Variants in MAK observed in about 807,000 individuals in gnomAD.
The protein encoded by MAK is male germ cell associated kinase, also known as serine/threonine-protein kinase MAK.
MAK carries 65 observed loss-of-function variants against 82.6 expected under a neutral mutation model. The observed-to-expected ratio is 0.79, with a 90% CI of 0.64 to 0.97. The LOEUF (loss-of-function observed/expected upper bound fraction) is 0.97, where lower values mean the gene tolerates loss of function less well. MAK is among the 50% of genes least tolerant of loss of function. The pLI is 0.00. For missense variants in MAK, 703 were observed against 780.2 expected (o/e 0.90, Z 1.18); for synonymous variants, 250 against 274.2 (o/e 0.91, Z 0.87).
rs748107316 is a variant in MAK at position 10,802,214 on chromosome 6, C to G, written c.664-155G>C. 4.9e-4 allele frequency: 302 copies of G among 620,588 alleles called. 1 individual carries two copies. The highest frequency in any genetic ancestry group is 4.9e-4 in the Non-Finnish European group (173 of 355,932). 38.4% of individuals were successfully genotyped at this position (620,588 alleles called of 1,614,324 possible). A position where few individuals can be genotyped will look rare whatever the true frequency, so the allele number is the denominator to read the frequency against. ...ATGAAAATGAAATACCAGACCACGT[C>G]TATAATTTAGTGCTACGACAGTATA... On this transcript the variant is annotated intron_variant, in intron 7 of 14. Coordinates refer to ENST00000354489, the MANE Select transcript of MAK (RefSeq NM_001242957.3).
intron 9 of MAK, 46 bp from the exon 10 acceptor site, chr6:10,791,893 TGCC>T: frequency 1.3e-6 from 2 of 1,585,792 alleles, no homozygotes; most frequent in Non-Finnish European, 1.7e-6. Flanking sequence ...ATGTACTGAA[TGCC>T]TTTCATGCAC....
At chr6:10,830,124 C>CGTGTGTGTGTGTGTGT (rs35519970) in intron 2 of MAK, among the ~76,000 whole-genome samples, 23 of 141,500 alleles carry the variant, frequency 1.6e-4, no homozygotes, top group Non-Finnish European at 1.7e-4. Flanking sequence ...CCTGTGTGCA[C>CGTGTGTGTGTGTGTGT]GTGTGTGTGT....
chr6:10,812,385 G>A (rs571563120), intron 5 of MAK, among the ~76,000 whole-genome samples: 2 of 152,056 alleles, frequency 1.3e-5, no homozygotes, highest in African/African-American at 4.8e-5. Context: ...TAACTTTTTG[G>A]ACTAATAATT....
chr6:10,777,172 T>A (rs537510962), intron 11 of MAK, among the ~76,000 whole-genome samples: 1 of 152,122 alleles, frequency 6.6e-6, no homozygotes, highest in Admixed American at 6.5e-5. Context: ...TTTGGGAGGC[T>A]GAGGGAGGTG....
At chr6:10,778,978 A>G (rs1291222844) in intron 11 of MAK, among the ~76,000 whole-genome samples, 2 of 151,874 alleles carry the variant, frequency 1.3e-5, no homozygotes, top group Non-Finnish European at 2.9e-5. Context: ...AAATACAAAA[A>G]TTAGCTGGGC....
At chr6:10,834,463 G>C (rs956359355) in intron 1 of MAK, among the ~76,000 whole-genome samples, 1 of 152,176 alleles carries the variant, frequency 6.6e-6, no homozygotes, top group African/African-American at 2.4e-5. Flanking sequence ...ACTGGTGCCA[G>C]CTCTTACTAT....
intron 8 of MAK, among the ~76,000 whole-genome samples, chr6:10,799,185 C>G (rs1005023567): frequency 6.6e-6 from 1 of 152,148 alleles, no homozygotes; most frequent in Non-Finnish European, 1.5e-5. Context: ...TGGAATTGAA[C>G]ATCTTTGAGC....
intron 2 of MAK, among the ~76,000 whole-genome samples, chr6:10,826,814 T>A (rs560254598): frequency 6.6e-6 from 1 of 152,282 alleles, no homozygotes; most frequent in East Asian, 1.9e-4. Flanking sequence ...GCTTTCCCAA[T>A]TAAAAGAGTA....
chr6:10,771,664 T>A (rs1212553188), intron 13 of MAK, among the ~76,000 whole-genome samples: 2 of 152,226 alleles, frequency 1.3e-5, no homozygotes, highest in African/African-American at 4.8e-5. Context: ...CATATCAGGC[T>A]TCAACAGGTG....
At chr6:10,765,893 T>C (rs141713871) in intron 14 of MAK, among the ~76,000 whole-genome samples, 215 of 152,360 alleles carry the variant, frequency 1.4e-3, no homozygotes, top group African/African-American at 4.7e-3. Flanking sequence ...TATCTGACTG[T>C]TTAAAAATTT....
At chr6:10,818,151 C>T (rs573675058) in intron 3 of MAK, among the ~76,000 whole-genome samples, 180 bp from the exon 4 acceptor site, 1 of 152,266 alleles carries the variant, frequency 6.6e-6, no homozygotes, top group African/African-American at 2.4e-5. Flanking sequence ...TAAGTGCAAA[C>T]AATAAATCAA....
intron 6 of MAK, among the ~76,000 whole-genome samples, chr6:10,805,222 A>G (rs1174137586): frequency 1.3e-5 from 2 of 152,208 alleles, no homozygotes; most frequent in Non-Finnish European, 2.9e-5. Context: ...CCTTGTTTTT[A>G]TTAATGTTTC....
In MAK at chr6:10,824,060, T is replaced by C. The variant is rs545967423; in HGVS notation, c.102-5120A>G. 2.0e-5 allele frequency among the ~76,000 whole-genome samples: 3 copies of C among 152,274 alleles called. No homozygotes were observed. In the East Asian group the frequency reaches 5.8e-4, roughly 29 times the overall value. ...ATATCTGTAATTTTCAGGTAAAGTT[T>C]ATCCCTCTATATCGGGCTTTAAAGA... On this transcript the variant is annotated intron_variant, in intron 2 of 14. Coordinates refer to ENST00000354489, the MANE Select transcript of MAK (RefSeq NM_001242957.3).
chr6:10,802,986 G>A (rs899476620), intron 7 of MAK, among the ~76,000 whole-genome samples: 1 of 152,100 alleles, frequency 6.6e-6, no homozygotes, highest in African/African-American at 2.4e-5. Context: ...ATATAAAAAA[G>A]GAAACAAGAA....
chr6:10,770,860 C>CT (rs1349205054), intron 13 of MAK, among the ~76,000 whole-genome samples: 1 of 152,102 alleles, frequency 6.6e-6, no homozygotes, highest in Admixed American at 6.5e-5. Context: ...GAGGAAGTCA[C>CT]TGCTAAGAGC....
At chr6:10,765,440 A>ATTTT (rs200536068) in intron 14 of MAK, among the ~76,000 whole-genome samples, 31 of 130,632 alleles carry the variant, frequency 2.4e-4, no homozygotes, top group African/African-American at 8.3e-4. Flanking sequence ...TAGAATGAAG[A>ATTTT]TTTTTTTTTT....
At chr6:10,779,397 C>T (rs891932384) in intron 11 of MAK, 5 of 985,242 alleles carry the variant, frequency 5.1e-6, no homozygotes, top group Non-Finnish European at 4.8e-6. Context: ...AGTACACAGC[C>T]GGTTAGTAGT....
intron 10 of MAK, among the ~76,000 whole-genome samples, chr6:10,786,586 A>G (rs572094595): frequency 4.3e-5 from 5 of 114,996 alleles, no homozygotes; most frequent in African/African-American, 4.0e-5. Context: ...TCACCACTCC[A>G]CTAATTCACC....
intron 2 of MAK, among the ~76,000 whole-genome samples, chr6:10,827,495 T>A (rs1778470136): frequency 6.6e-6 from 1 of 152,172 alleles, no homozygotes; most frequent in Non-Finnish European, 1.5e-5. Context: ...CCCAATGCAA[T>A]CCTAATCAGC....
Sources: allele counts gnomAD v4.1 joint callset (sites outside exome capture counted in the v4.1 genomes callset), GRCh38; gene constraint gnomAD v4.1.1; transcripts MANE v1.5; gene names NCBI Gene and HGNC (gene_info 2026-07-23, HGNC 2026-07-21).